The following ELAVL2 variants were observed in gnomAD, a reference collection of about 807,000 sequenced individuals.
ELAVL2 encodes ELAV like RNA binding protein 2.
Under a neutral mutation model 34.6 loss-of-function variants are expected in ELAVL2, and 4 were observed. The ratio of observed to expected loss-of-function variants is 0.12; its 90% CI spans 0.06 to 0.26. ELAVL2 has a LOEUF of 0.26. Among genes scored for constraint, ELAVL2 ranks in the 10% least tolerant of loss-of-function variants. The pLI, the probability that ELAVL2 is intolerant of heterozygous loss-of-function variation, is 1.00. For synonymous variants in ELAVL2, 193 were observed against 154.8 expected (o/e 1.25, Z -1.83); for missense variants, 432 against 442.8 (o/e 0.98, Z 0.22).
chr9:23,710,910 A>G (rs2040760622), intron 3 of ELAVL2, among the ~76,000 whole-genome samples: 1 of 152,148 alleles, frequency 6.6e-6, no homozygotes, highest in Admixed American at 6.5e-5. Context: ...ACACAGAAGA[A>G]GGGGGATCTC....
intron 3 of ELAVL2, among the ~76,000 whole-genome samples, chr9:23,726,614 C>T (rs2045247336): frequency 6.6e-6 from 1 of 152,022 alleles, no homozygotes; most frequent in African/African-American, 2.4e-5. Flanking sequence ...GAGAGAGATG[C>T]TGGGAGCCAC....
intron 1 of ELAVL2, among the ~76,000 whole-genome samples, chr9:23,804,025 T>C (rs2061898476): frequency 1.3e-5 from 2 of 152,166 alleles, no homozygotes; most frequent in African/African-American, 4.8e-5. Flanking sequence ...AGTGCAAATC[T>C]ATTAAAATGC....
chr9:23,802,910 T>C (rs998514), intron 1 of ELAVL2, among the ~76,000 whole-genome samples: 36,364 of 151,980 alleles, frequency 0.24, 5,113 homozygotes, highest in African/African-American at 0.39. Context: ...TTTAAACAGG[T>C]TTTTAAACTT....
At chr9:23,707,734 G>A (rs944030219) in intron 3 of ELAVL2, among the ~76,000 whole-genome samples, 1 of 152,148 alleles carries the variant, frequency 6.6e-6, no homozygotes, top group South Asian at 2.1e-4. Context: ...ATGGCTATTA[G>A]GAATAATTAA....
intron 2 of ELAVL2, among the ~76,000 whole-genome samples, chr9:23,759,627 T>C (rs927714913): frequency 1.6e-4 from 24 of 151,164 alleles, no homozygotes; most frequent in African/African-American, 5.6e-4. Context: ...CATTACACAA[T>C]GTATATAGCA....
chr9:23,695,941 TC>T (rs2035023070), intron 5 of ELAVL2, among the ~76,000 whole-genome samples: 1 of 152,176 alleles, frequency 6.6e-6, no homozygotes, highest in Non-Finnish European at 1.5e-5. Flanking sequence ...ATCTCTGGCA[TC>T]CCCAGACAGG....
At chr9:23,763,644 T>C (rs72693555) in intron 1 of ELAVL2, among the ~76,000 whole-genome samples, 8,341 of 151,814 alleles carry the variant, frequency 0.055, 292 homozygotes, top group Non-Finnish European at 0.076. Context: ...CTAAGAAAAA[T>C]AAAAGGGCAC....
chr9:23,781,884 G>C (rs200005160), intron 1 of ELAVL2, among the ~76,000 whole-genome samples: 1 of 151,966 alleles, frequency 6.6e-6, no homozygotes, highest in African/African-American at 2.4e-5. Flanking sequence ...CGGGGTTTCA[G>C]CGTGTTAGTC....
the ELAVL2 span, chr9:23,849,691 A>G: frequency 3.9e-5 from 6 of 152,394 alleles, no homozygotes; most frequent in Admixed American, 2.0e-4. Flanking sequence ...CCATCCCAAG[A>G]GTATCAAACA....
At chr9:23,726,564 A>C (rs1331521383) in intron 3 of ELAVL2, among the ~76,000 whole-genome samples, 1 of 152,016 alleles carries the variant, frequency 6.6e-6, no homozygotes, top group African/African-American at 2.4e-5. Flanking sequence ...TTTCAGGAAA[A>C]ATAAAGCATC....
intron 3 of ELAVL2, among the ~76,000 whole-genome samples, chr9:23,711,495 T>C (rs549008284): frequency 6.6e-6 from 1 of 152,326 alleles, no homozygotes; most frequent in East Asian, 1.9e-4. Flanking sequence ...CATACAAGTA[T>C]ACAAAACCTT....
intron 1 of ELAVL2, among the ~76,000 whole-genome samples, chr9:23,793,537 T>TA (rs778467866): frequency 1.3e-5 from 2 of 152,064 alleles, no homozygotes; most frequent in Non-Finnish European, 2.9e-5. Context: ...ACAAAACTAA[T>TA]AGAGTCTCTC....
chr9:23,749,267 A>G (rs1242571703), intron 2 of ELAVL2, among the ~76,000 whole-genome samples: 1 of 152,136 alleles, frequency 6.6e-6, no homozygotes, highest in Non-Finnish European at 1.5e-5. Flanking sequence ...TGCACAATCC[A>G]GGATTAGTTA....
At chr9:23,772,450 A>T (rs917831872) in intron 1 of ELAVL2, among the ~76,000 whole-genome samples, 1 of 151,044 alleles carries the variant, frequency 6.6e-6, no homozygotes. Flanking sequence ...CAGTGAGGTT[A>T]ACATTTTATT....
chr9:23,692,369 G>T lies in ELAVL2; in HGVS notation c.*188C>A. On this transcript the variant is annotated 3_prime_UTR_variant, in exon 7 of 7. Transcript: ENST00000397312. ...CTCTTGTCCATATTCAAACATAAAA[G>T]ATATTTAAGAAGTTTTAATTCAAAT... The T allele has an allele frequency of 4.7e-6, 3 of 636,482 alleles. No homozygotes were observed. The East Asian group carries it at 8.4e-5, about 18-fold the overall frequency. 39.4% of individuals were successfully genotyped at this position (636,482 alleles called of 1,614,324 possible). A position where few individuals can be genotyped will look rare whatever the true frequency, so the allele number is the denominator to read the frequency against.
chr9:23,839,287 A>C, the ELAVL2 span, among the ~76,000 whole-genome samples: 1 of 152,252 alleles, frequency 6.6e-6, no homozygotes, highest in South Asian at 2.1e-4. Context: ...TGTTTTGAAA[A>C]AAAAAAACTT....
chr9:23,818,655 T>C (rs2064075436), intron 1 of ELAVL2, among the ~76,000 whole-genome samples: 1 of 152,198 alleles, frequency 6.6e-6, no homozygotes, highest in South Asian at 2.1e-4. Context: ...CCAAGCTAAG[T>C]ACCACAGATT....
rs752409300 is a variant in ELAVL2 at position 23,730,987 on chromosome 9, T to C, written c.333+35A>G. 3.8e-6 allele frequency: 6 copies of C among 1,572,920 alleles called. No individual in the cohort carries two copies. In the South Asian group the frequency reaches 4.6e-5, roughly 12 times the overall value. On this transcript the variant is annotated intron_variant, in intron 3 of 6. Coordinates refer to ENST00000397312, the MANE Select transcript of ELAVL2 (RefSeq NM_004432.5). ...AAATCTTAATTTTTTTAAACTTCTG[T>C]TCCGCAAGTAGATATAAAAAAACTT...
chr9:23,705,446 C>A (rs1410616134), intron 3 of ELAVL2, among the ~76,000 whole-genome samples: 1 of 152,228 alleles, frequency 6.6e-6, no homozygotes, highest in African/African-American at 2.4e-5. Context: ...TTTGTACCCA[C>A]CTTTAGTCCA....
Sources: gnomAD v4.1 joint callset for allele counts (sites outside exome capture counted in the v4.1 genomes callset) on GRCh38, gnomAD v4.1.1 for gene constraint, MANE v1.5 for transcripts, NCBI Gene and HGNC (gene_info 2026-07-23, HGNC 2026-07-21) for gene names.